Variants in CLVS1 observed in about 807,000 individuals in gnomAD.
The protein encoded by CLVS1 is clavesin 1.
CLVS1 carries 10 observed loss-of-function variants against 33.1 expected under a neutral mutation model. The observed-to-expected ratio is 0.30, with a 90% confidence interval of 0.19 to 0.51. The LOEUF is 0.51. Ranked by LOEUF, CLVS1 falls within the 20% of genes least tolerant of loss-of-function variation. The pLI is 0.97. For missense variants in CLVS1, 343 were observed against 433.4 expected, an observed-to-expected ratio of 0.79 and a Z score of 1.85; for synonymous variants, 163 against 166.1, an observed-to-expected ratio of 0.98 and a Z score of 0.14.
At chr8:61,156,764 C>T (rs1806659522) in intron 2 of CLVS1, among the ~76,000 whole-genome samples, 1 of 152,152 alleles carries the variant, frequency 6.6e-6, no homozygotes, top group African/African-American at 2.4e-5. Flanking sequence ...ATAAAAATCA[C>T]TGTAGAGTTT....
intron 3 of CLVS1, among the ~76,000 whole-genome samples, chr8:61,390,143 T>C (rs574236409): frequency 3.3e-5 from 5 of 152,196 alleles, no homozygotes; most frequent in African/African-American, 4.8e-5. Context: ...CTTTAAATAC[T>C]GCTAATTCTG....
chr8:61,467,619 C>T (rs1407791585), intron 5 of CLVS1, among the ~76,000 whole-genome samples: 3 of 152,050 alleles, frequency 2.0e-5, no homozygotes, highest in African/African-American at 4.8e-5. Context: ...AGAAGAGGTA[C>T]GGACCATATC....
At chr8:61,349,223 T>C (rs1239904728) in intron 2 of CLVS1, among the ~76,000 whole-genome samples, 3 of 149,734 alleles carry the variant, frequency 2.0e-5, no homozygotes, top group Non-Finnish European at 2.9e-5. Context: ...TAGTTTGAGA[T>C]AATAGCACTT....
At chr8:61,136,426 A>T (rs1200972145) in intron 2 of CLVS1, among the ~76,000 whole-genome samples, 1 of 152,246 alleles carries the variant, frequency 6.6e-6, no homozygotes. Context: ...AAGACATGGC[A>T]TCAACCTAAA....
intron 5 of CLVS1, among the ~76,000 whole-genome samples, chr8:61,493,952 G>A (rs1252834035): frequency 6.6e-6 from 1 of 152,142 alleles, no homozygotes; most frequent in Non-Finnish European, 1.5e-5. Context: ...CAGCATTCCT[G>A]TCCCTTTGTT....
chr8:61,232,882 A>G (rs1198243999), intron 2 of CLVS1, among the ~76,000 whole-genome samples: 1 of 152,170 alleles, frequency 6.6e-6, no homozygotes, highest in East Asian at 1.9e-4. Flanking sequence ...ACATTTGAAC[A>G]TCTCTTTAAC....
At chr8:61,475,809 C>A (rs187037258) in intron 5 of CLVS1, among the ~76,000 whole-genome samples, 2,502 of 152,250 alleles carry the variant, frequency 0.016, 67 homozygotes, top group African/African-American at 0.057. Context: ...AATTAGATAC[C>A]ATTTGTCAAT....
intron 1 of CLVS1, among the ~76,000 whole-genome samples, chr8:61,108,095 C>T (rs1805569090): frequency 6.6e-6 from 1 of 151,814 alleles, no homozygotes; most frequent in Admixed American, 6.6e-5. Context: ...TGGTGAAACC[C>T]CATCTCTACT....
At chr8:61,364,119 G>T (rs1180658603) in intron 2 of CLVS1, among the ~76,000 whole-genome samples, 1 of 152,146 alleles carries the variant, frequency 6.6e-6, no homozygotes, top group Non-Finnish European at 1.5e-5. Context: ...TTCTCCTCAG[G>T]GGAATATATT....
intron 2 of CLVS1, among the ~76,000 whole-genome samples, chr8:61,179,295 T>G (rs1807182969): frequency 6.6e-6 from 1 of 151,934 alleles, no homozygotes; most frequent in Non-Finnish European, 1.5e-5. Context: ...AGAAGAGCTA[T>G]CCTAAATATA....
At chr8:61,334,248 AG>A (rs1248342843) in intron 2 of CLVS1, among the ~76,000 whole-genome samples, 6 of 152,252 alleles carry the variant, frequency 3.9e-5, no homozygotes, top group Non-Finnish European at 8.8e-5. Flanking sequence ...GCCTAAGTTC[AG>A]GGGCCAGGAG....
At chr8:61,202,284 T>C (rs1443412201) in intron 2 of CLVS1, 6 of 606,560 alleles carry the variant, frequency 9.9e-6, no homozygotes, top group Non-Finnish European at 1.8e-5. Flanking sequence ...TGTGTGGCTG[T>C]TCTCTGGAGC....
At chr8:61,028,534 T>C in the CLVS1 span, among the ~76,000 whole-genome samples, 1 of 152,226 alleles carries the variant, frequency 6.6e-6, no homozygotes, top group Admixed American at 6.5e-5. Context: ...CCCTGGCCAC[T>C]GCTGAGGTGT....
At chr8:61,319,224 C>T (rs1811114089) in intron 2 of CLVS1, among the ~76,000 whole-genome samples, 2 of 152,104 alleles carry the variant, frequency 1.3e-5, no homozygotes, top group African/African-American at 4.8e-5. Context: ...TAAGTGAGTC[C>T]TCTGCTGTTA....
At chr8:61,303,897 C>G (rs1249112335) in intron 2 of CLVS1, among the ~76,000 whole-genome samples, 1 of 152,154 alleles carries the variant, frequency 6.6e-6, no homozygotes, top group Non-Finnish European at 1.5e-5. Flanking sequence ...ATGAAAGATT[C>G]TATGTAAAAA....
intron 2 of CLVS1, among the ~76,000 whole-genome samples, chr8:61,150,672 T>A (rs16926946): frequency 0.023 from 3,430 of 152,264 alleles, 135 homozygotes; most frequent in African/African-American, 0.078. Context: ...TCCCAGCTGG[T>A]GTGTGCATGT....
chr8:61,137,512 A>G (rs74577578), intron 2 of CLVS1, among the ~76,000 whole-genome samples: 238 of 152,214 alleles, frequency 1.6e-3, no homozygotes, highest in African/African-American at 5.3e-3. Flanking sequence ...TGATACATAA[A>G]ACATACTCAG....
At chr8:61,292,832 T>G (rs1279124620) in intron 1 of CLVS1, among the ~76,000 whole-genome samples, 1 of 152,226 alleles carries the variant, frequency 6.6e-6, no homozygotes, top group African/African-American at 2.4e-5. Context: ...TCTCATACTT[T>G]ATAAGTTGGC....
At chr8:61,492,565 T>C (rs1394037727) in intron 5 of CLVS1, among the ~76,000 whole-genome samples, 1 of 152,176 alleles carries the variant, frequency 6.6e-6, no homozygotes, top group Non-Finnish European at 1.5e-5. Flanking sequence ...GCAGTCAATG[T>C]CCAAGCCCAC....
Sources: allele counts gnomAD v4.1 joint callset (sites outside exome capture counted in the v4.1 genomes callset), GRCh38; gene constraint gnomAD v4.1.1; transcripts MANE v1.5; gene names NCBI Gene and HGNC (gene_info 2026-07-23, HGNC 2026-07-21).